PRORP: variants seen among roughly 807,000 people sequenced by gnomAD.
PRORP encodes protein only RNase P catalytic subunit, also known as mitochondrial ribonuclease P catalytic subunit.
A neutral mutation model predicts 59.4 loss-of-function variants in PRORP; 51 were observed. The observed-to-expected ratio is 0.86, with a 90% CI of 0.69 to 1.08. The LOEUF is 1.08. PRORP is among the 50% of genes least tolerant of loss of function. The pLI is 0.00. For synonymous variants in PRORP, 231 were observed against 245.6 expected, an observed-to-expected ratio of 0.94 and a Z score of 0.55; for missense variants, 646 against 690.3, an observed-to-expected ratio of 0.94 and a Z score of 0.72.
intron 5 of PRORP, among the ~76,000 whole-genome samples, chr14:35,243,520 A>C (rs531422028): frequency 2.0e-5 from 3 of 149,710 alleles, no homozygotes; most frequent in African/African-American, 7.5e-5. Flanking sequence ...TGGGTGACAG[A>C]GTGAGACCAT....
At chr14:35,154,672 A>G (rs2047866223) in intron 4 of PRORP, among the ~76,000 whole-genome samples, 2 of 149,454 alleles carry the variant, frequency 1.3e-5, no homozygotes, top group South Asian at 2.1e-4. Context: ...CTGCAAGACA[A>G]CCCAGTTTCT....
intron 4 of PRORP, among the ~76,000 whole-genome samples, chr14:35,152,992 G>C (rs879039706): frequency 6.6e-6 from 1 of 152,144 alleles, no homozygotes; most frequent in African/African-American, 2.4e-5. Context: ...ACGGGGTGGC[G>C]GCCGGGCAGA....
At chr14:35,266,596 A>G in intron 5 of PRORP, 131 bp from the exon 6 acceptor site, 1 of 913,326 alleles carries the variant, frequency 1.1e-6, no homozygotes, top group Non-Finnish European at 1.7e-6. Flanking sequence ...ATGGGAAATT[A>G]TTGTGGATTG....
At chr14:35,245,245 T>G (rs2050455139) in intron 5 of PRORP, among the ~76,000 whole-genome samples, 1 of 152,168 alleles carries the variant, frequency 6.6e-6, no homozygotes, top group Non-Finnish European at 1.5e-5. Context: ...AAAATGCAAG[T>G]CTTCACTGAT....
chr14:35,204,696 C>T (rs2049246618), intron 5 of PRORP, among the ~76,000 whole-genome samples: 1 of 152,124 alleles, frequency 6.6e-6, no homozygotes, highest in South Asian at 2.1e-4. Flanking sequence ...GCAACGTGTT[C>T]ATTGTACCGG....
rs1465570372 is a variant in PRORP at position 35,180,760 on chromosome 14, G to C, written c.1258G>C (p.Val420Leu). The change falls in exon 5 of 8, where the codon GTT becomes CTT. Residue 420 changes from valine to leucine, a missense_variant. Val to Leu is a conservative substitution (Grantham distance 32). Coordinates refer to ENST00000534898, the MANE Select transcript of PRORP (RefSeq NM_014672.4). Reference protein sequence around the residue: ...GLNVAKMFPKVRESQLLLNVV... With the variant: ...GLNVAKMFPKLRESQLLLNVV... ...CAATGTTGCCAAAATGTTTCCTAAA[G>C]TTCGTGAATCTCAACTTGTAAGTAT... 6.2e-7 allele frequency: 1 copy of C among 1,605,280 alleles called. No individual in the cohort carries two copies. The highest frequency in any genetic ancestry group is 1.7e-5 in the Admixed American group (1 of 59,876).
chr14:35,175,515 G>A (rs12892477), intron 4 of PRORP, among the ~76,000 whole-genome samples: 2 of 152,120 alleles, frequency 1.3e-5, no homozygotes, highest in Non-Finnish European at 2.9e-5. Context: ...ATTTTTTCAT[G>A]TGTCTGTTGG....
chr14:35,243,065 TTA>T, intron 5 of PRORP, among the ~76,000 whole-genome samples: 1 of 152,316 alleles, frequency 6.6e-6, no homozygotes, highest in South Asian at 2.1e-4. Flanking sequence ...TATGTCTTGT[TTA>T]TCCTATGGCT....
In PRORP at chr14:35,240,006, C is replaced by T. The variant is rs548566530; in HGVS notation, c.1276-26721C>T. 6.7e-5 allele frequency among the ~76,000 whole-genome samples: 10 copies of T among 148,782 alleles called. No homozygotes were observed. The East Asian group carries it at 1.4e-3, about 21-fold the overall frequency. ...AGGAAAATCGCTTGAACCTGGAAGG[C>T]GGAGGTTGCAGTGAGTGGAGATCAT... On this transcript the variant is annotated intron_variant, in intron 5 of 7. Coordinates refer to ENST00000534898, the MANE Select transcript of PRORP (RefSeq NM_014672.4).
At chr14:35,217,471 G>A (rs1434197255) in intron 5 of PRORP, among the ~76,000 whole-genome samples, 1 of 149,338 alleles carries the variant, frequency 6.7e-6, no homozygotes, top group Admixed American at 6.7e-5. Context: ...ACTGCACTCC[G>A]GCCTGGGTGA....
chr14:35,162,987 C>G (rs932034033), intron 4 of PRORP, among the ~76,000 whole-genome samples: 5 of 152,102 alleles, frequency 3.3e-5, no homozygotes, highest in African/African-American at 1.2e-4. Flanking sequence ...TTCTGATTCA[C>G]TAATCTGCAT....
chr14:35,231,119 G>A (rs2138494844), intron 5 of PRORP, among the ~76,000 whole-genome samples: 1 of 152,254 alleles, frequency 6.6e-6, no homozygotes, highest in Middle Eastern at 3.4e-3. Context: ...TTCTTTTGGA[G>A]TTTGAGCCAT....
At chr14:35,147,314 G>A (rs2047636180) in intron 4 of PRORP, among the ~76,000 whole-genome samples, 1 of 152,110 alleles carries the variant, frequency 6.6e-6, no homozygotes, top group Non-Finnish European at 1.5e-5. Context: ...CAAAGTGGTG[G>A]TGTTTGTTGA....
intron 6 of PRORP, 55 bp from the exon 7 acceptor site, chr14:35,270,346 T>C (rs2051153486): frequency 2.2e-5 from 33 of 1,529,598 alleles, no homozygotes; most frequent in Non-Finnish European, 3.0e-5. Flanking sequence ...TGAAAAACAC[T>C]GTCCTCTGCC....
Position 35,124,007 on chromosome 14 carries a change from T to A in PRORP, c.762T>A (p.Ala254=). ...KKNYNDCIQG[A]LLHQDVNTAW... is the part of the protein sequence containing the mutation. ...ACTATAATGACTGTATCCAGGGAGC[T>A]CTCCTTCATCAAGATGTAAACACAG... The change falls in exon 2 of 8, where the codon GCT becomes GCA. Residue 254 remains alanine, a synonymous_variant. Transcript: ENST00000534898. 6.2e-7 allele frequency: 1 copy of A among 1,613,940 alleles called. No individual in the cohort carries two copies. The highest frequency in any genetic ancestry group is 8.5e-7 in the Non-Finnish European group (1 of 1,179,968).
chr14:35,193,003 G>A (rs1595279963), intron 5 of PRORP, among the ~76,000 whole-genome samples: 1 of 150,982 alleles, frequency 6.6e-6, no homozygotes, highest in African/African-American at 2.4e-5. Flanking sequence ...AAAGAAAAAG[G>A]ATATGAAGTG....
At chr14:35,154,700 CA>C (rs138725314) in intron 4 of PRORP, among the ~76,000 whole-genome samples, 56,549 of 124,748 alleles carry the variant, frequency 0.45, 10,646 homozygotes, top group Middle Eastern at 0.53. Flanking sequence ...AATGAATTGC[CA>C]AAAAAAAAAA....
At chr14:35,124,643 C>T (rs188840065) in intron 2 of PRORP, among the ~76,000 whole-genome samples, 6 of 149,824 alleles carry the variant, frequency 4.0e-5, no homozygotes, top group Admixed American at 6.7e-5. Context: ...AATTATATAG[C>T]AGTTTTAATT....
At chr14:35,248,412 G>C (rs1414533585) in intron 5 of PRORP, among the ~76,000 whole-genome samples, 1 of 152,156 alleles carries the variant, frequency 6.6e-6, no homozygotes, top group African/African-American at 2.4e-5. Context: ...CATACCACCT[G>C]GTGAAAGTTT....
Sources: allele counts gnomAD v4.1 joint callset (sites outside exome capture counted in the v4.1 genomes callset), GRCh38; gene constraint gnomAD v4.1.1; transcripts MANE v1.5; gene names NCBI Gene and HGNC (gene_info 2026-07-23, HGNC 2026-07-21).